PEX5L: variants seen among roughly 807,000 people sequenced by gnomAD.
PEX5L encodes the protein PEX5-related protein.
A neutral mutation model predicts 84.0 loss-of-function variants in PEX5L; 30 were observed. That is an observed-to-expected ratio of 0.36 (90% CI 0.27 to 0.48). The LOEUF (loss-of-function observed/expected upper bound fraction) is 0.48. PEX5L is among the 20% of genes least tolerant of loss of function. The pLI, the probability that PEX5L is intolerant of heterozygous loss-of-function variation, is 0.99. For missense variants in PEX5L, 533 were observed against 754.6 expected, an observed-to-expected ratio of 0.71 and a Z score of 3.44; for synonymous variants, 270 against 283.1, an observed-to-expected ratio of 0.95 and a Z score of 0.46.
intron 3 of PEX5L, among the ~76,000 whole-genome samples, chr3:179,893,393 T>C (rs1397563355): frequency 6.6e-6 from 1 of 152,190 alleles, no homozygotes; most frequent in African/African-American, 2.4e-5. Flanking sequence ...AAAAGATGTT[T>C]TGCTTTTAAA....
rs1372870042 is a variant in PEX5L, at chr3:179,796,790, C to G, written c.*5038G>C. On this transcript the variant is annotated 3_prime_UTR_variant, in exon 15 of 15. Coordinates refer to ENST00000467460, the MANE Select transcript of PEX5L (RefSeq NM_016559.3). ...GTGACCGTGAAATCACCTCATCACTCCCTAAATATCAGTGTTTTTAGACCT... is the reference window on the plus strand; with the variant it reads ...GTGACCGTGAAATCACCTCATCACTGCCTAAATATCAGTGTTTTTAGACCT... 1 of 152,106 alleles carries G rather than the reference C, an allele frequency of 6.6e-6. No homozygotes were observed. Among genetic ancestry groups the G allele is most frequent in the Non-Finnish European group, 1.5e-5 (1 of 68,002 alleles). 9.4% of individuals were successfully genotyped at this position (152,106 alleles called of 1,614,324 possible). A position where few individuals can be genotyped will look rare whatever the true frequency, so the allele number is the denominator to read the frequency against.
intron 1 of PEX5L, among the ~76,000 whole-genome samples, chr3:179,992,465 G>A (rs1787469148): frequency 1.3e-5 from 2 of 152,086 alleles, no homozygotes; most frequent in South Asian, 2.1e-4. Context: ...TCATTTTAGC[G>A]GTTAGCATAA....
chr3:179,959,545 T>C lies in PEX5L; in HGVS notation c.93+12049A>G, dbSNP rs527725724. ...TGTAAAATAAGTAAAATAGATTAAATCATTTCCATCAAAATAATGTATTTT... is the reference window on the plus strand; with the variant it reads ...TGTAAAATAAGTAAAATAGATTAAACCATTTCCATCAAAATAATGTATTTT... On this transcript the variant is annotated intron_variant, in intron 2 of 14. Coordinates refer to ENST00000467460, the MANE Select transcript of PEX5L (RefSeq NM_016559.3). 2.6e-5 allele frequency among the ~76,000 whole-genome samples: 4 copies of C among 152,336 alleles called. 1 individual carries two copies. The highest frequency in any genetic ancestry group is 1.9e-4 in the East Asian group (1 of 5,188).
In PEX5L at chr3:180,032,999, T is replaced by C. The variant is rs190816476; in HGVS notation, c.21+3580A>G. Among the ~76,000 whole-genome samples, 26 of 152,348 alleles carry C rather than the reference T, an allele frequency of 1.7e-4. No individual in the cohort carries two copies. The East Asian group carries it at 5.0e-3, about 29-fold the overall frequency. On this transcript the variant is annotated intron_variant, in intron 1 of 14. Coordinates refer to ENST00000467460, the MANE Select transcript of PEX5L (RefSeq NM_016559.3). ...CTGTTTAGGGTATTGAAAACAACGT[T>C]CTACAGTCTTACCTTCAATTGGTTT...
chr3:179,869,837 C>T (rs370476609), intron 7 of PEX5L, among the ~76,000 whole-genome samples: 26 of 152,336 alleles, frequency 1.7e-4, no homozygotes, highest in African/African-American at 6.3e-4. Context: ...CGGATTATAA[C>T]ACATGGTAAA....
At chr3:179,863,911 G>A (rs189242845) in intron 7 of PEX5L, among the ~76,000 whole-genome samples, 34 of 152,178 alleles carry the variant, frequency 2.2e-4, no homozygotes, top group African/African-American at 5.5e-4. Flanking sequence ...CTGGTGGGAG[G>A]TAATTGAATC....
At chr3:179,973,448 C>A (rs1785264056) in intron 1 of PEX5L, 2 of 1,123,438 alleles carry the variant, frequency 1.8e-6, no homozygotes, top group African/African-American at 3.3e-5. Context: ...ATTTCTTTTT[C>A]TAACTAATTT....
intron 4 of PEX5L, among the ~76,000 whole-genome samples, chr3:179,885,025 T>A (rs1755352915): frequency 7.5e-6 from 1 of 132,540 alleles, no homozygotes; most frequent in Non-Finnish European, 1.6e-5. Context: ...GAATTAAAAA[T>A]ATATAATATT....
At chr3:179,988,831 A>G (rs1326121505) in intron 1 of PEX5L, among the ~76,000 whole-genome samples, 1 of 152,252 alleles carries the variant, frequency 6.6e-6, no homozygotes, top group East Asian at 1.9e-4. Context: ...GAAAGAAGGT[A>G]GCAGCACAAA....
At chr3:179,860,464 C>T (rs1287828675) in intron 7 of PEX5L, among the ~76,000 whole-genome samples, 1 of 152,242 alleles carries the variant, frequency 6.6e-6, no homozygotes. Flanking sequence ...CTGGGCCCCA[C>T]CCCAACCAAT....
At chr3:179,891,555 T>C (rs1041732982) in intron 3 of PEX5L, among the ~76,000 whole-genome samples, 5 of 152,278 alleles carry the variant, frequency 3.3e-5, no homozygotes, top group Admixed American at 6.5e-5. Context: ...ATATCTTACT[T>C]ATATTTATAT....
Position 179,801,725 on chromosome 3 carries a change from T to C in PEX5L, c.*103A>G, listed in dbSNP as rs2108651824. 2.4e-6 allele frequency: 2 copies of C among 846,224 alleles called. No individual in the cohort carries two copies. Among genetic ancestry groups the C allele is most frequent in the Non-Finnish European group, 4.0e-6 (2 of 502,758 alleles). 52.4% of individuals were successfully genotyped at this position (846,224 alleles called of 1,614,324 possible). A position where few individuals can be genotyped will look rare whatever the true frequency, so the allele number is the denominator to read the frequency against. ...CTTGGGCTATATGACCATGGCCTTT[T>C]GAATATTTGATTTATCCTTTTGAAA... is the stretch of plus-strand genomic sequence containing the variant. On this transcript the variant is annotated 3_prime_UTR_variant, in exon 15 of 15. Transcript: ENST00000467460.
At chr3:179,901,263 AATT>A (rs1761248420) in intron 2 of PEX5L, among the ~76,000 whole-genome samples, 1 of 149,094 alleles carries the variant, frequency 6.7e-6, no homozygotes, top group Non-Finnish European at 1.5e-5. Context: ...ATATATATGT[AATT>A]GTTCAGACTT....
intron 4 of PEX5L, 97 bp downstream of exon 4, chr3:179,887,576 T>C: frequency 1.3e-6 from 1 of 793,646 alleles, no homozygotes. Context: ...GTTGCAAACG[T>C]TCTTTCCTCA....
intron 2 of PEX5L, among the ~76,000 whole-genome samples, chr3:179,919,401 C>A (rs543754293): frequency 6.6e-6 from 1 of 152,298 alleles, no homozygotes; most frequent in African/African-American, 2.4e-5. Context: ...CTTTCCCAGA[C>A]TTACTCCTTG....
rs1050713155 is a variant in PEX5L, at chr3:179,888,183, G to A, written c.199-399C>T. 1.2e-5 allele frequency: 16 copies of A among 1,289,106 alleles called. No individual in the cohort carries two copies. The African/African-American group carries it at 1.7e-4, about 13-fold the overall frequency. 79.9% of individuals were successfully genotyped at this position (1,289,106 alleles called of 1,614,324 possible). On this transcript the variant is annotated intron_variant, in intron 3 of 14. Coordinates refer to ENST00000467460, the MANE Select transcript of PEX5L (RefSeq NM_016559.3). The stretch of plus-strand genomic sequence containing the variant: ...TCAGACTCAAAGATGACATGTTCTG[G>A]TTAGCACTGCTCAGTCAGTGTTTAT...
intron 8 of PEX5L, among the ~76,000 whole-genome samples, chr3:179,844,254 T>C (rs1272861077): frequency 1.3e-5 from 2 of 152,226 alleles, no homozygotes; most frequent in African/African-American, 2.4e-5. Context: ...CTTTATTACT[T>C]GATCCAAATA....
At chr3:179,827,082 C>CGAAT (rs1560259360) in intron 8 of PEX5L, among the ~76,000 whole-genome samples, 1 of 151,960 alleles carries the variant, frequency 6.6e-6, no homozygotes, top group East Asian at 1.9e-4. Flanking sequence ...TTTTCTTTGA[C>CGAAT]AGTCGATTGC....
intron 8 of PEX5L, among the ~76,000 whole-genome samples, chr3:179,829,016 A>G (rs894762781): frequency 1.3e-5 from 2 of 152,172 alleles, no homozygotes; most frequent in Admixed American, 1.3e-4. Context: ...TGAGAAGAAC[A>G]CTCATTTGAC....
Sources: allele counts gnomAD v4.1 joint callset (sites outside exome capture counted in the v4.1 genomes callset), GRCh38; gene constraint gnomAD v4.1.1; transcripts MANE v1.5; gene names NCBI Gene and HGNC (gene_info 2026-07-23, HGNC 2026-07-21).